Variants in CDIN1 observed in about 807,000 individuals in gnomAD.
CDIN1 encodes the protein CDAN1-interacting nuclease 1.
CDIN1 carries 33 observed loss-of-function variants against 45.3 expected under a neutral mutation model. That is an observed-to-expected ratio of 0.73 (90% CI 0.55 to 0.97). The LOEUF is 0.97. Ranked by LOEUF, CDIN1 falls within the 50% of genes least tolerant of loss-of-function variation. CDIN1 has a pLI of 0.00. For missense variants in CDIN1, 303 were observed against 339.4 expected, an observed-to-expected ratio of 0.89 and a Z score of 0.84; for synonymous variants, 118 against 124.4, an observed-to-expected ratio of 0.95 and a Z score of 0.34.
At chr15:36,693,220 T>A (rs969969340) in intron 7 of CDIN1, among the ~76,000 whole-genome samples, 1 of 152,216 alleles carries the variant, frequency 6.6e-6, no homozygotes, top group Non-Finnish European at 1.5e-5. Context: ...TAATCTTTGA[T>A]GAATAACCTT....
intron 10 of CDIN1, among the ~76,000 whole-genome samples, chr15:36,758,234 A>C (rs2053661748): frequency 6.6e-6 from 1 of 152,006 alleles, no homozygotes; most frequent in Admixed American, 6.6e-5. Context: ...CTGGTATATA[A>C]GGGGCCTCCC....
intron 7 of CDIN1, among the ~76,000 whole-genome samples, chr15:36,692,673 C>T (rs1017339614): frequency 1.3e-5 from 2 of 152,096 alleles, no homozygotes; most frequent in African/African-American, 4.8e-5. Context: ...ACAATCTGAG[C>T]CGGCATTTGG....
chr15:36,597,702 T>C (rs2037903330), intron 1 of CDIN1, among the ~76,000 whole-genome samples: 1 of 152,240 alleles, frequency 6.6e-6, no homozygotes. Flanking sequence ...TAACCTGTTA[T>C]TCATCTAAAG....
intron 10 of CDIN1, among the ~76,000 whole-genome samples, chr15:36,797,277 A>G (rs1461027299): frequency 2.0e-5 from 3 of 152,266 alleles, no homozygotes; most frequent in Non-Finnish European, 2.9e-5. Context: ...AAAACAGATG[A>G]ACCTGCTGAG....
intron 5 of CDIN1, among the ~76,000 whole-genome samples, chr15:36,681,885 A>G (rs1351868500): frequency 6.6e-6 from 1 of 152,230 alleles, no homozygotes; most frequent in Non-Finnish European, 1.5e-5. Context: ...AGATGAAAGA[A>G]CTAATAAATG....
At chr15:36,663,875 ACCGCAG>A (rs1301777803) in intron 5 of CDIN1, among the ~76,000 whole-genome samples, 1 of 152,218 alleles carries the variant, frequency 6.6e-6, no homozygotes, top group Non-Finnish European at 1.5e-5. Flanking sequence ...TGTGTTGTTG[ACCGCAG>A]TTAAGAACCA....
intron 1 of CDIN1, among the ~76,000 whole-genome samples, chr15:36,609,176 C>G (rs189073751): frequency 2.9e-4 from 44 of 152,184 alleles, no homozygotes; most frequent in African/African-American, 8.9e-4. Flanking sequence ...CTATGCCTGG[C>G]CTAGTTTTTA....
chr15:36,771,958 A>G (rs2054091776), intron 10 of CDIN1, among the ~76,000 whole-genome samples: 1 of 151,740 alleles, frequency 6.6e-6, no homozygotes, highest in South Asian at 2.1e-4. Flanking sequence ...ATAGACTCAC[A>G]CAAACCAAAC....
intron 10 of CDIN1, among the ~76,000 whole-genome samples, chr15:36,732,667 T>C (rs2043873563): frequency 6.6e-6 from 1 of 152,066 alleles, no homozygotes; most frequent in Admixed American, 6.6e-5. Context: ...ATATAGAATC[T>C]GGAAGATGGA....
intron 4 of CDIN1, among the ~76,000 whole-genome samples, chr15:36,656,194 A>G (rs939860285): frequency 6.6e-6 from 1 of 152,222 alleles, no homozygotes; most frequent in Non-Finnish European, 1.5e-5. Flanking sequence ...TACTTAGATA[A>G]CATACACTTG....
intron 10 of CDIN1, among the ~76,000 whole-genome samples, chr15:36,800,839 A>G (rs1194630005): frequency 1.4e-5 from 2 of 144,510 alleles, no homozygotes; most frequent in Non-Finnish European, 3.0e-5. Context: ...AGAAATATAT[A>G]TATGATTATG....
chr15:36,730,476 A>T (rs2043796828), intron 10 of CDIN1, among the ~76,000 whole-genome samples: 1 of 152,152 alleles, frequency 6.6e-6, no homozygotes, highest in Non-Finnish European at 1.5e-5. Flanking sequence ...TTTCAATACA[A>T]CTGTTTTAAA....
At chr15:36,776,704 A>G (rs1205682682) in intron 10 of CDIN1, among the ~76,000 whole-genome samples, 4 of 152,222 alleles carry the variant, frequency 2.6e-5, no homozygotes, top group African/African-American at 7.2e-5. Context: ...AAGGAGGAAA[A>G]GGCAGCAAAG....
At chr15:36,585,536 G>C (rs143767200) in intron 1 of CDIN1, among the ~76,000 whole-genome samples, 370 of 152,264 alleles carry the variant, frequency 2.4e-3, no homozygotes, top group African/African-American at 8.6e-3. Flanking sequence ...CTTTTGGCAA[G>C]AGTACCCTGG....
chr15:36,633,706 T>G (rs991480494), intron 1 of CDIN1, among the ~76,000 whole-genome samples: 9 of 152,064 alleles, frequency 5.9e-5, no homozygotes, highest in African/African-American at 2.2e-4. Context: ...TAGATTAATA[T>G]GTGGAGAACT....
At chr15:36,580,657 T>C (rs2037000727) in intron 1 of CDIN1, among the ~76,000 whole-genome samples, 1 of 152,248 alleles carries the variant, frequency 6.6e-6, no homozygotes, top group Non-Finnish European at 1.5e-5. Flanking sequence ...TTGGGAATTA[T>C]GTAGATTTCT....
At chr15:36,777,941 T>C (rs772946511) in intron 10 of CDIN1, among the ~76,000 whole-genome samples, 2 of 152,226 alleles carry the variant, frequency 1.3e-5, no homozygotes, top group East Asian at 1.9e-4. Context: ...TTGGAAGATA[T>C]ATCTGATGAC....
At chr15:36,679,237 T>G (rs1283968009) in intron 5 of CDIN1, among the ~76,000 whole-genome samples, 2 of 152,126 alleles carry the variant, frequency 1.3e-5, no homozygotes, top group Middle Eastern at 3.2e-3. Flanking sequence ...CATTGGCAAA[T>G]TTTGCCTGTT....
chr15:36,693,588 C>T (rs897017342), intron 7 of CDIN1, among the ~76,000 whole-genome samples: 2 of 152,076 alleles, frequency 1.3e-5, no homozygotes, highest in African/African-American at 2.4e-5. Context: ...AGCATAATGT[C>T]TTTTGAAGGA....
Sources: gnomAD v4.1 joint callset for allele counts (sites outside exome capture counted in the v4.1 genomes callset) on GRCh38, gnomAD v4.1.1 for gene constraint, MANE v1.5 for transcripts, NCBI Gene and HGNC (gene_info 2026-07-23, HGNC 2026-07-21) for gene names.